AKAP12: variants seen among roughly 807,000 people sequenced by gnomAD.
The protein encoded by AKAP12 is A-kinase anchoring protein 12.
Under a neutral mutation model 79.9 loss-of-function variants are expected in AKAP12, and 32 were observed. That is an observed-to-expected ratio of 0.40 (90% CI 0.30 to 0.54). The LOEUF (loss-of-function observed/expected upper bound fraction) is 0.54. Among genes scored for constraint, AKAP12 ranks in the 20% least tolerant of loss-of-function variants. The probability of loss-of-function intolerance (pLI) is 0.48; values close to 1 mark genes in which losing one functional copy is unlikely to be tolerated. For missense variants in AKAP12, 2,074 were observed against 2,177.0 expected (o/e 0.95, Z 0.94); for synonymous variants, 808 against 857.0 (o/e 0.94, Z 1.00).
At chr6:151,332,034 T>TTTTTG (rs1777687962) in intron 3 of AKAP12, among the ~76,000 whole-genome samples, 1 of 100,580 alleles carries the variant, frequency 9.9e-6, no homozygotes, top group South Asian at 3.3e-4. Context: ...TCTGGGTCTG[T>TTTTTG]TTTTTTTTTT....
chr6:151,328,748 T>C (rs1293285796), intron 3 of AKAP12, among the ~76,000 whole-genome samples: 1 of 152,206 alleles, frequency 6.6e-6, no homozygotes, highest in Non-Finnish European at 1.5e-5. Context: ...TAGTTATCTT[T>C]AGTACTATGT....
rs73780607 is a variant in AKAP12, at chr6:151,292,700, A to G, written c.163-13047A>G. 6.0e-3 allele frequency among the ~76,000 whole-genome samples: 921 copies of G among 152,300 alleles called. 8 individuals carry two copies. Among genetic ancestry groups the G allele is most frequent in the African/African-American group, 0.021 (870 of 41,564 alleles). On this transcript the variant is annotated intron_variant, in intron 2 of 4. Transcript: ENST00000402676. ...ACCTGTTTTGGCAAAGTTTGGAGTA[A>G]ACTTCTGTCTCCACCTCCCTGTATT...
intron 2 of AKAP12, among the ~76,000 whole-genome samples, chr6:151,265,118 T>A (rs926058994): frequency 8.1e-5 from 12 of 148,638 alleles, no homozygotes; most frequent in African/African-American, 2.8e-4. Flanking sequence ...GCCATTGCAC[T>A]CCAGCCTGGG....
At chr6:151,323,884 A>C (rs1397265724) in intron 3 of AKAP12, 2 of 985,266 alleles carry the variant, frequency 2.0e-6, no homozygotes, top group Non-Finnish European at 2.4e-6. Flanking sequence ...CTGAGAAATG[A>C]TGCAGAACCA....
chr6:151,313,297 G>A (rs1412963995), intron 3 of AKAP12, among the ~76,000 whole-genome samples: 1 of 152,148 alleles, frequency 6.6e-6, no homozygotes, highest in Non-Finnish European at 1.5e-5. Context: ...ATAAAGAGAG[G>A]GGTCCCCTTG....
chr6:151,333,394 C>T (rs1390407308), intron 3 of AKAP12, among the ~76,000 whole-genome samples: 1 of 152,132 alleles, frequency 6.6e-6, no homozygotes, highest in Non-Finnish European at 1.5e-5. Context: ...AACAGCCTCC[C>T]GCTGTGTTCA....
At chr6:151,323,670 T>C (rs1468365117) in intron 3 of AKAP12, 2 of 979,210 alleles carry the variant, frequency 2.0e-6, no homozygotes, top group African/African-American at 1.8e-5. Context: ...TTGTTTAGGG[T>C]ATTAAATGTG....
At chr6:151,345,902 TG>T (rs2114816740) in intron 3 of AKAP12, among the ~76,000 whole-genome samples, 1 of 31,220 alleles carries the variant, frequency 3.2e-5, no homozygotes, top group East Asian at 7.2e-4. Flanking sequence ...TATATGTGTG[TG>T]TGTGTGTGTG....
intron 2 of AKAP12, among the ~76,000 whole-genome samples, chr6:151,297,019 G>GTT (rs36046672): frequency 0.087 from 11,066 of 127,498 alleles, 639 homozygotes; most frequent in African/African-American, 0.14. Context: ...AAATAAAAGG[G>GTT]TTTTTTTTTT....
At chr6:151,345,613 A>G (rs1382537019) in intron 3 of AKAP12, among the ~76,000 whole-genome samples, 1 of 150,932 alleles carries the variant, frequency 6.6e-6, no homozygotes, top group African/African-American at 2.4e-5. Context: ...CCTGGCCAAC[A>G]TGGTGAAACC....
chr6:151,259,467 CAT>C (rs1491164011), intron 2 of AKAP12, among the ~76,000 whole-genome samples: 2 of 88,024 alleles, frequency 2.3e-5, no homozygotes, highest in Non-Finnish European at 4.0e-5. Flanking sequence ...CACATATATA[CAT>C]GTATATATAT....
At chr6:151,326,335 C>T (rs895616696) in intron 3 of AKAP12, among the ~76,000 whole-genome samples, 16 of 152,026 alleles carry the variant, frequency 1.1e-4, no homozygotes, top group Non-Finnish European at 2.4e-4. Flanking sequence ...CAAGTGTTTG[C>T]ATTTTGACTT....
chr6:151,292,663 T>C (rs1473075525), intron 2 of AKAP12, among the ~76,000 whole-genome samples: 1 of 152,236 alleles, frequency 6.6e-6, no homozygotes, highest in Non-Finnish European at 1.5e-5. Context: ...CCTCATTGAA[T>C]GGTAATATGT....
At chr6:151,252,176 A>G (rs981239726) in intron 2 of AKAP12, among the ~76,000 whole-genome samples, 2 of 151,058 alleles carry the variant, frequency 1.3e-5, no homozygotes, top group Non-Finnish European at 3.0e-5. Context: ...CAAGGGAGGC[A>G]CAGCTGAAGG....
At chr6:151,255,743 T>C (rs550770701) in intron 2 of AKAP12, among the ~76,000 whole-genome samples, 5 of 152,226 alleles carry the variant, frequency 3.3e-5, no homozygotes, top group Non-Finnish European at 7.4e-5. Context: ...TGAGTCGTGG[T>C]TGAACCACTG....
intron 2 of AKAP12, among the ~76,000 whole-genome samples, chr6:151,275,282 G>A (rs910344221): frequency 6.6e-5 from 10 of 152,078 alleles, no homozygotes; most frequent in South Asian, 4.1e-4. Flanking sequence ...TTTGAAAGGC[G>A]AGAGGTTTGC....
intron 3 of AKAP12, among the ~76,000 whole-genome samples, chr6:151,337,830 C>T (rs1361395523): frequency 6.6e-6 from 1 of 152,072 alleles, no homozygotes; most frequent in Non-Finnish European, 1.5e-5. Context: ...TTGCTTTGAG[C>T]TCAGGAGTTC....
At position 151,350,380 on chromosome 6, in the gene AKAP12, GCCAAAGCCGGAAGAA is replaced by G. The variant is rs1562753589; in HGVS notation, c.1997_2011del (p.Pro666_Lys670del). The G allele has an allele frequency of 1.9e-6, 3 of 1,613,894 alleles. No homozygotes were observed. The highest frequency in any genetic ancestry group is 4.5e-5 in the East Asian group (2 of 44,832). The stretch of plus-strand genomic sequence containing the variant: ...AAGAAATGAAAGGGAGCGTGGAAGA[GCCAAAGCCGGAAGAA>G]CCAAAGCGCAAGGTGGATACCTCAG... On this transcript the variant is annotated inframe_deletion, in exon 4 of 5. Coordinates refer to ENST00000402676, the MANE Select transcript of AKAP12 (RefSeq NM_005100.4). The surrounding 1 kb of genome is among the most constrained non-coding windows in gnomAD (Gnocchi z 4.8).
At chr6:151,345,926 TGTGTGTGAGA>T (rs1480691719) in intron 3 of AKAP12, among the ~76,000 whole-genome samples, 39 of 107,488 alleles carry the variant, frequency 3.6e-4, no homozygotes, top group African/African-American at 1.2e-3. Context: ...TGTGTGTGTG[TGTGTGTGAGA>T]GAGAGAGAGA....
Sources: allele counts gnomAD v4.1 joint callset (sites outside exome capture counted in the v4.1 genomes callset), GRCh38; gene constraint gnomAD v4.1.1; non-coding constraint Gnocchi (gnomAD v3.1); transcripts MANE v1.5; gene names NCBI Gene and HGNC (gene_info 2026-07-23, HGNC 2026-07-21).